MEIS2: variants seen among roughly 807,000 people sequenced by gnomAD.
MEIS2 encodes the protein Meis homeobox 2.
In MEIS2, 9 loss-of-function variants were observed where a neutral mutation model predicts 58.6. The ratio of observed to expected loss-of-function variants is 0.15; its 90% CI spans 0.09 to 0.27. MEIS2 has a LOEUF of 0.27. MEIS2 is among the 10% of genes least tolerant of loss of function. The probability of loss-of-function intolerance (pLI) is 1.00; values close to 1 mark genes in which losing one functional copy is unlikely to be tolerated. For missense variants in MEIS2, 427 were observed against 635.0 expected (o/e 0.67, Z 3.52); for synonymous variants, 221 against 228.4 (o/e 0.97, Z 0.29).
At chr15:36,979,060 C>A (rs954952061) in intron 8 of MEIS2, among the ~76,000 whole-genome samples, 2 of 152,144 alleles carry the variant, frequency 1.3e-5, no homozygotes, top group African/African-American at 4.8e-5. Context: ...CTCTGAAAAT[C>A]TGAAACTTGA....
intron 8 of MEIS2, among the ~76,000 whole-genome samples, chr15:36,960,101 A>G (rs1203927812): frequency 2.0e-5 from 3 of 152,186 alleles, no homozygotes; most frequent in Non-Finnish European, 4.4e-5. Context: ...TAATTTCAGT[A>G]TGTCCTGTTC....
chr15:36,889,963 G>A lies in MEIS2; in HGVS notation c.*2210C>T, dbSNP rs1216102201. ...AGCAACACAACACTTAAACTGAAAT[G>A]TATTTGTAAAAATTCTACCTGACTA... On this transcript the variant is annotated 3_prime_UTR_variant, in exon 12 of 12. Coordinates refer to ENST00000561208, the MANE Select transcript of MEIS2 (RefSeq NM_170675.5). The A allele has an allele frequency of 6.6e-6, 1 of 152,134 alleles. No homozygotes were observed. The highest frequency in any genetic ancestry group is 1.9e-4 in the East Asian group (1 of 5,194). 9.4% of individuals were successfully genotyped at this position (152,134 alleles called of 1,614,324 possible).
intron 6 of MEIS2, among the ~76,000 whole-genome samples, chr15:37,086,137 G>C (rs529178553): frequency 1.3e-5 from 2 of 152,286 alleles, no homozygotes; most frequent in South Asian, 4.1e-4. Context: ...TGCTATAAAA[G>C]CTCCTTACCC....
In MEIS2 at chr15:36,923,409, A is replaced by G. The variant is rs553685291; in HGVS notation, c.978-26723T>C. Among the ~76,000 whole-genome samples the G allele has an allele frequency of 2.0e-5, 3 of 152,064 alleles. No individual in the cohort carries two copies. In the South Asian group the frequency reaches 6.2e-4, roughly 32 times the overall value. On this transcript the variant is annotated intron_variant, in intron 9 of 11. Transcript: ENST00000561208. ...TGGCTTAATGTGTGCATTTGATACC[A>G]GGCTTACAGAATGCAAGCTTCCAAC...
Position 37,083,764 on chromosome 15 carries a change from C to G in MEIS2, c.754+7G>C, listed in dbSNP as rs771958610. The G allele has an allele frequency of 5.6e-6, 9 of 1,610,952 alleles. No homozygotes were observed. The highest frequency in any genetic ancestry group is 7.6e-6 in the Non-Finnish European group (9 of 1,178,406). ...ACTTTGCACGAGGAAAATGTTTGACCTTTTACCTTGCTCACTGCTGTTGTC... is the reference window on the plus strand; with the variant it reads ...ACTTTGCACGAGGAAAATGTTTGACGTTTTACCTTGCTCACTGCTGTTGTC... On this transcript the variant is annotated splice_region_variant and intron_variant, in intron 7 of 11. Transcript: ENST00000561208.
At chr15:36,965,907 A>G (rs1186262505) in intron 8 of MEIS2, among the ~76,000 whole-genome samples, 1 of 152,254 alleles carries the variant, frequency 6.6e-6, no homozygotes. Context: ...TTATAAAGAA[A>G]TTCAGGCTAT....
chr15:37,000,777 T>C (rs1184160030), intron 8 of MEIS2, among the ~76,000 whole-genome samples: 4 of 152,180 alleles, frequency 2.6e-5, no homozygotes, highest in Non-Finnish European at 5.9e-5. Flanking sequence ...CAAACGTGCA[T>C]GAGCATACCG....
chr15:36,907,197 G>A (rs2056784267), intron 9 of MEIS2, among the ~76,000 whole-genome samples: 1 of 152,194 alleles, frequency 6.6e-6, no homozygotes, highest in South Asian at 2.1e-4. Context: ...ATTTAGAAGA[G>A]AATTGATAGG....
intron 9 of MEIS2, among the ~76,000 whole-genome samples, chr15:36,903,545 C>T (rs2056582659): frequency 6.6e-6 from 1 of 152,178 alleles, no homozygotes; most frequent in South Asian, 2.1e-4. Context: ...CTGAAAATAA[C>T]TTTTTGCAGA....
At chr15:36,952,696 G>A (rs887754388) in intron 8 of MEIS2, among the ~76,000 whole-genome samples, 1 of 150,970 alleles carries the variant, frequency 6.6e-6, no homozygotes, top group Admixed American at 6.6e-5. Flanking sequence ...TGAAATAAAG[G>A]TTTAGGGTGT....
At chr15:36,971,037 GA>G (rs959426609) in intron 8 of MEIS2, among the ~76,000 whole-genome samples, 341 of 134,872 alleles carry the variant, frequency 2.5e-3, no homozygotes, top group African/African-American at 7.1e-3. Flanking sequence ...CAAAGAATAG[GA>G]AAAAAAAAAC....
At chr15:37,038,874 C>A (rs1039050435) in intron 7 of MEIS2, among the ~76,000 whole-genome samples, 1 of 152,216 alleles carries the variant, frequency 6.6e-6, no homozygotes, top group Non-Finnish European at 1.5e-5. Flanking sequence ...CACGTGCACA[C>A]GCTTTCCACC....
chr15:36,992,802 G>A (rs1176473549), intron 8 of MEIS2, among the ~76,000 whole-genome samples: 2 of 151,686 alleles, frequency 1.3e-5, no homozygotes, highest in East Asian at 3.9e-4. Flanking sequence ...GGGAGAGAAG[G>A]GGGGCGATGA....
chr15:36,936,543 A>G (rs1278171494), intron 9 of MEIS2, among the ~76,000 whole-genome samples: 2 of 152,220 alleles, frequency 1.3e-5, no homozygotes, highest in African/African-American at 4.8e-5. Flanking sequence ...TCCAAAAGTG[A>G]GTGCAATTGA....
At chr15:36,962,413 G>A (rs2141433311) in intron 8 of MEIS2, among the ~76,000 whole-genome samples, 1 of 152,254 alleles carries the variant, frequency 6.6e-6, no homozygotes, top group Admixed American at 6.5e-5. Context: ...ATAAAATGGT[G>A]TAGTATTTGC....
At chr15:37,076,193 C>G (rs1281369194) in intron 7 of MEIS2, among the ~76,000 whole-genome samples, 1 of 151,914 alleles carries the variant, frequency 6.6e-6, no homozygotes, top group African/African-American at 2.4e-5. Context: ...TCCTACTACC[C>G]TCCTCCCCAG....
At chr15:37,091,818 A>G (rs1173508794) in intron 6 of MEIS2, among the ~76,000 whole-genome samples, 1 of 152,220 alleles carries the variant, frequency 6.6e-6, no homozygotes, top group Non-Finnish European at 1.5e-5. Flanking sequence ...TCCTAGAAAT[A>G]TCATGAGAAA....
chr15:37,048,111 T>G (rs1007221214), intron 7 of MEIS2, among the ~76,000 whole-genome samples: 1 of 152,158 alleles, frequency 6.6e-6, no homozygotes, highest in East Asian at 1.9e-4. Flanking sequence ...ATATGGCCTT[T>G]ATATTTGCAA....
intron 8 of MEIS2, among the ~76,000 whole-genome samples, chr15:37,003,978 G>A (rs1291438918): frequency 6.6e-6 from 1 of 152,156 alleles, no homozygotes; most frequent in East Asian, 1.9e-4. Context: ...AGAAATAAAT[G>A]TCTGTTGTTT....
Sources: gnomAD v4.1 joint callset for allele counts (sites outside exome capture counted in the v4.1 genomes callset) on GRCh38, gnomAD v4.1.1 for gene constraint, MANE v1.5 for transcripts, NCBI Gene and HGNC (gene_info 2026-07-23, HGNC 2026-07-21) for gene names.